Variants in SDK1 observed in about 807,000 individuals in gnomAD.
The protein encoded by SDK1 is protein sidekick-1.
Under a neutral mutation model 245.5 loss-of-function variants are expected in SDK1, and 157 were observed. The observed-to-expected ratio is 0.64, with a 90% CI of 0.56 to 0.73. SDK1 has a LOEUF of 0.73. Among genes scored for constraint, SDK1 ranks in the 30% least tolerant of loss-of-function variants. The pLI is 0.00. For missense variants in SDK1, 3,583 were observed against 3,002.3 expected, an observed-to-expected ratio of 1.19 and a Z score of -4.52; for synonymous variants, 1,647 against 1,278.5, an observed-to-expected ratio of 1.29 and a Z score of -6.15.
At chr7:3,740,194 C>T (rs1278789926) in intron 4 of SDK1, among the ~76,000 whole-genome samples, 1 of 152,150 alleles carries the variant, frequency 6.6e-6, no homozygotes, top group Non-Finnish European at 1.5e-5. Context: ...AGGTGACGTA[C>T]ACTGTACGTC....
chr7:4,167,608 G>T (rs536815407), intron 32 of SDK1, among the ~76,000 whole-genome samples: 2 of 152,178 alleles, frequency 1.3e-5, no homozygotes, highest in Admixed American at 6.5e-5. Context: ...TTGAACTCCG[G>T]CAAGTCCCAC....
intron 26 of SDK1, 44 bp downstream of exon 26, chr7:4,127,540 T>G: frequency 7.1e-7 from 1 of 1,405,278 alleles, no homozygotes; most frequent in Non-Finnish European, 1.0e-6. Flanking sequence ...AAGAGTGGGC[T>G]GGGGAAATGG....
chr7:3,910,940 C>G (rs930283779), intron 5 of SDK1, among the ~76,000 whole-genome samples: 2 of 152,188 alleles, frequency 1.3e-5, no homozygotes, highest in African/African-American at 4.8e-5. Context: ...TGTGGCTCCT[C>G]TCTCCCCAAG....
At chr7:3,444,131 A>ATC (rs1780276669) in intron 1 of SDK1, among the ~76,000 whole-genome samples, 1 of 152,116 alleles carries the variant, frequency 6.6e-6, no homozygotes, top group Non-Finnish European at 1.5e-5. Flanking sequence ...CTTTCCCTGG[A>ATC]AAGGGCGGGT....
intron 1 of SDK1, among the ~76,000 whole-genome samples, chr7:3,611,478 A>C (rs553495186): frequency 1.3e-5 from 2 of 152,266 alleles, no homozygotes; most frequent in East Asian, 3.9e-4. Flanking sequence ...GCCTTTTCTC[A>C]GCTTAGCAGA....
At chr7:3,682,004 G>T (rs1401328988) in intron 4 of SDK1, among the ~76,000 whole-genome samples, 1 of 152,198 alleles carries the variant, frequency 6.6e-6, no homozygotes, top group African/African-American at 2.4e-5. Flanking sequence ...GTTCTGCAGT[G>T]AAAAGTAAAT....
chr7:3,887,362 A>G (rs1781361344), intron 5 of SDK1, among the ~76,000 whole-genome samples: 1 of 152,232 alleles, frequency 6.6e-6, no homozygotes, highest in Non-Finnish European at 1.5e-5. Context: ...GCTGACAAGT[A>G]CAATCTTCCT....
chr7:4,267,645 G>C lies in SDK1; in HGVS notation c.*2261G>C. 12 of 985,488 alleles carry C rather than the reference G, an allele frequency of 1.2e-5. No individual in the cohort carries two copies. Among genetic ancestry groups the C allele is most frequent in the Non-Finnish European group, 1.4e-5 (12 of 829,952 alleles). The allele number at this position is 985,488 out of a possible 1,614,324, so 61.0% of individuals were successfully genotyped here. ...CAGCCATGAGGATGTGGCTTTACATGCCAGGGAGAGTGTTGAGACGTCTTA... is the reference window on the plus strand; with the variant it reads ...CAGCCATGAGGATGTGGCTTTACATCCCAGGGAGAGTGTTGAGACGTCTTA... On this transcript the variant is annotated 3_prime_UTR_variant, in exon 45 of 45. Transcript: ENST00000404826.
rs147193623 is a variant in SDK1 at position 3,493,179 on chromosome 7, C to T, written c.299-125901C>T. On this transcript the variant is annotated intron_variant, in intron 1 of 44. Coordinates refer to ENST00000404826, the MANE Select transcript of SDK1 (RefSeq NM_152744.4). Reference sequence around the variant, plus strand: ...TGTTAGCCAGGATGGTCTCGATCTCCTGACCTCATAATCCTCACACCTCGG... The same window carrying T: ...TGTTAGCCAGGATGGTCTCGATCTCTTGACCTCATAATCCTCACACCTCGG... 6.1e-3 allele frequency among the ~76,000 whole-genome samples: 929 copies of T among 152,244 alleles called. 12 individuals are homozygous for T. Among genetic ancestry groups the T allele is most frequent in the African/African-American group, 0.021 (870 of 41,542 alleles).
intron 1 of SDK1, among the ~76,000 whole-genome samples, chr7:3,518,632 A>G (rs959565834): frequency 6.6e-6 from 1 of 152,132 alleles, no homozygotes; most frequent in Non-Finnish European, 1.5e-5. Flanking sequence ...ACAATAAGAT[A>G]TCATCTCATC....
chr7:3,736,714 A>G (rs778264437), intron 4 of SDK1, among the ~76,000 whole-genome samples: 1 of 152,206 alleles, frequency 6.6e-6, no homozygotes, highest in East Asian at 1.9e-4. Context: ...TTTGATATAC[A>G]TATGTATTGG....
intron 43 of SDK1, among the ~76,000 whole-genome samples, chr7:4,244,017 A>C (rs961932142): frequency 2.6e-5 from 4 of 152,180 alleles, no homozygotes; most frequent in Non-Finnish European, 5.9e-5. Flanking sequence ...ATCTTTCCCA[A>C]AGTAAATTAC....
At position 3,484,912 on chromosome 7, in the gene SDK1, T is replaced by C. The variant is rs117873272; in HGVS notation, c.299-134168T>C. ...TTGTTCATTCATCTGTTGATGAGCA[T>C]TTAGCTTGATTCCATATCTTGGCTA... is the stretch of plus-strand genomic sequence containing the variant. On this transcript the variant is annotated intron_variant, in intron 1 of 44. Transcript: ENST00000404826. 1.4e-3 allele frequency among the ~76,000 whole-genome samples: 213 copies of C among 152,334 alleles called. 6 individuals carry two copies. The East Asian group carries it at 0.037, about 26-fold the overall frequency.
intron 35 of SDK1, among the ~76,000 whole-genome samples, chr7:4,180,878 G>T (rs961006315): frequency 7.2e-5 from 11 of 152,114 alleles, no homozygotes; most frequent in African/African-American, 2.4e-4. Flanking sequence ...CTCCCGCCAG[G>T]CCCCACCTGC....
intron 4 of SDK1, among the ~76,000 whole-genome samples, chr7:3,751,283 G>A (rs1444428881): frequency 6.6e-6 from 1 of 152,212 alleles, no homozygotes; most frequent in East Asian, 1.9e-4. Context: ...AAATAAGAGA[G>A]CTAATAAACT....
chr7:3,623,245 CTTTT>C (rs1183056855), intron 2 of SDK1, among the ~76,000 whole-genome samples: 2 of 117,984 alleles, frequency 1.7e-5, no homozygotes, highest in Admixed American at 9.3e-5. Context: ...TGTTGTATTT[CTTTT>C]TTTTTTTTTT....
chr7:3,363,848 G>A (rs1400236037), intron 1 of SDK1, among the ~76,000 whole-genome samples: 1 of 152,200 alleles, frequency 6.6e-6, no homozygotes. Context: ...AACAGTTGTT[G>A]GCCTGGGGGT....
At chr7:3,868,143 T>C in intron 5 of SDK1, among the ~76,000 whole-genome samples, 1 of 152,246 alleles carries the variant, frequency 6.6e-6, no homozygotes, top group Admixed American at 6.5e-5. Context: ...GAATGAGTCA[T>C]AGGTCAGCCT....
chr7:3,572,328 AC>A (rs1291352230), intron 1 of SDK1, among the ~76,000 whole-genome samples: 2 of 151,990 alleles, frequency 1.3e-5, no homozygotes, highest in African/African-American at 4.8e-5. Flanking sequence ...CTAGGCAAAA[AC>A]GCCTCAGTGA....
Sources: allele counts gnomAD v4.1 joint callset (sites outside exome capture counted in the v4.1 genomes callset), GRCh38; gene constraint gnomAD v4.1.1; transcripts MANE v1.5; gene names NCBI Gene and HGNC (gene_info 2026-07-23, HGNC 2026-07-21).